The following STK3 variants were observed in gnomAD, a reference collection of about 807,000 sequenced individuals.
STK3 encodes the protein serine/threonine-protein kinase 3.
Under a neutral mutation model 58.0 loss-of-function variants are expected in STK3, and 41 were observed. The ratio of observed to expected loss-of-function variants is 0.71; its 90% CI spans 0.55 to 0.92. The LOEUF (loss-of-function observed/expected upper bound fraction) is 0.92, where lower values mean the gene tolerates loss of function less well. STK3 is among the 40% of genes least tolerant of loss of function. The pLI is 0.00. For missense variants in STK3, 479 were observed against 602.7 expected (o/e 0.79, Z 2.15); for synonymous variants, 170 against 191.0 (o/e 0.89, Z 0.91).
chr8:98,732,300 T>C (rs1348044617), intron 4 of STK3, among the ~76,000 whole-genome samples: 1 of 152,104 alleles, frequency 6.6e-6, no homozygotes, highest in Non-Finnish European at 1.5e-5. Flanking sequence ...ACTAATAAAA[T>C]GGACTCACAT....
chr8:98,500,147 T>G (rs1823456399), intron 10 of STK3, among the ~76,000 whole-genome samples: 1 of 146,408 alleles, frequency 6.8e-6, no homozygotes, highest in African/African-American at 2.6e-5. Flanking sequence ...CAGAGAGGTT[T>G]TACACAAAAG....
intron 1 of STK3, among the ~76,000 whole-genome samples, chr8:98,444,298 C>T (rs1435819485): frequency 6.6e-6 from 1 of 152,182 alleles, no homozygotes; most frequent in Non-Finnish European, 1.5e-5. Flanking sequence ...ATGTAGGTCA[C>T]TTAAAGGAAT....
intron 1 of STK3, chr8:98,921,279 T>A: frequency 6.6e-6 from 1 of 150,638 alleles, no homozygotes; most frequent in South Asian, 2.1e-4. Context: ...AAAAAAAACA[T>A]AAAACTCTAC....
intron 6 of STK3, among the ~76,000 whole-genome samples, chr8:98,600,621 A>G (rs1456868746): frequency 6.6e-6 from 1 of 152,220 alleles, no homozygotes; most frequent in Non-Finnish European, 1.5e-5. Context: ...ATTTTATTTT[A>G]AGATAAAGGC....
intron 3 of STK3, among the ~76,000 whole-genome samples, chr8:98,419,961 T>C (rs567944355): frequency 5.1e-4 from 78 of 152,204 alleles, no homozygotes; most frequent in African/African-American, 1.9e-3. Context: ...GAGATCTAGA[T>C]GGAAGGATAC....
At position 98,596,167 on chromosome 8, in the gene STK3, A is replaced by G. The variant is rs2129979686; in HGVS notation, c.687T>C (p.Ala229=). The G allele has an allele frequency of 3.1e-6, 5 of 1,611,236 alleles. No homozygotes were observed. Among genetic ancestry groups the G allele is most frequent in the Non-Finnish European group, 4.2e-6 (5 of 1,178,564 alleles). The change falls in exon 7 of 11, where the codon GCT becomes GCC. Residue 229 remains alanine (A), a splice_region_variant and synonymous_variant. Transcript: ENST00000419617. The part of the protein sequence containing the change: ...PPYADIHPMR[A]IFMIPTNPPP... ...GTGGATTTGTGGGAATCATAAAAAT[A>G]GCCTAGTACAAATGAAATATCCAAA...
chr8:98,382,374 G>A (rs190766139), intron 1 of STK3, among the ~76,000 whole-genome samples: 8 of 152,238 alleles, frequency 5.3e-5, no homozygotes. Flanking sequence ...CTAAATTATC[G>A]CAGTGTACAT....
intron 4 of STK3, among the ~76,000 whole-genome samples, chr8:98,747,547 C>A (rs552577829): frequency 2.0e-5 from 3 of 152,280 alleles, no homozygotes; most frequent in African/African-American, 7.2e-5. Flanking sequence ...CAAAGGCCTA[C>A]AACATCCAGA....
At chr8:98,648,186 T>C (rs1385078577) in intron 6 of STK3, among the ~76,000 whole-genome samples, 1 of 152,210 alleles carries the variant, frequency 6.6e-6, no homozygotes, top group Non-Finnish European at 1.5e-5. Flanking sequence ...TAAAATTCTA[T>C]TTTGTTTCTT....
chr8:98,652,503 G>A (rs1419053262), intron 6 of STK3, among the ~76,000 whole-genome samples: 20 of 150,346 alleles, frequency 1.3e-4, no homozygotes, highest in African/African-American at 4.6e-4. Flanking sequence ...AATGTAAATG[G>A]ACTAAATGCT....
intron 4 of STK3, among the ~76,000 whole-genome samples, chr8:98,725,559 C>A (rs892885228): frequency 6.6e-6 from 1 of 152,110 alleles, no homozygotes; most frequent in African/African-American, 2.4e-5. Flanking sequence ...ATCCAAGGAA[C>A]TAACTTTCCA....
intron 3 of STK3, among the ~76,000 whole-genome samples, chr8:98,865,577 A>G (rs1587770997): frequency 6.6e-6 from 1 of 152,288 alleles, no homozygotes; most frequent in East Asian, 1.9e-4. Flanking sequence ...TGTGTTGCCC[A>G]GGCTGGTCTT....
chr8:98,489,342 A>T (rs1822520418), intron 10 of STK3, among the ~76,000 whole-genome samples: 9 of 152,132 alleles, frequency 5.9e-5, no homozygotes, highest in Admixed American at 5.9e-4. Flanking sequence ...CAATGTCAGG[A>T]GTTAATTTTA....
At chr8:98,650,641 C>T (rs1201071538) in intron 6 of STK3, among the ~76,000 whole-genome samples, 1 of 152,252 alleles carries the variant, frequency 6.6e-6, no homozygotes. Context: ...CACCCTAATA[C>T]TGTGCTTTTC....
chr8:98,790,088 C>T (rs1159763590), intron 1 of STK3, among the ~76,000 whole-genome samples: 1 of 147,082 alleles, frequency 6.8e-6, no homozygotes, highest in Non-Finnish European at 1.5e-5. Context: ...CAGAAGTCTA[C>T]CAGACATTCA....
chr8:98,835,151 G>A (rs1290169476), intron 3 of STK3, among the ~76,000 whole-genome samples: 1 of 152,158 alleles, frequency 6.6e-6, no homozygotes. Flanking sequence ...GGGCCTAAGA[G>A]AGTCATTTTG....
intron 6 of STK3, among the ~76,000 whole-genome samples, chr8:98,620,466 T>TAAAA (rs567110846): frequency 9.5e-6 from 1 of 105,204 alleles, no homozygotes; most frequent in Non-Finnish European, 2.0e-5. Flanking sequence ...TAAAGTATAA[T>TAAAA]AAAAAAAATA....
intron 1 of STK3, among the ~76,000 whole-genome samples, chr8:98,917,627 T>C (rs749007941): frequency 2.0e-5 from 3 of 152,172 alleles, no homozygotes; most frequent in Admixed American, 6.5e-5. Flanking sequence ...AGACACCGGA[T>C]CTGGCAGCTC....
At chr8:98,746,065 T>C (rs908511255) in intron 4 of STK3, among the ~76,000 whole-genome samples, 1 of 152,172 alleles carries the variant, frequency 6.6e-6, no homozygotes, top group Non-Finnish European at 1.5e-5. Flanking sequence ...GGGACCACAA[T>C]TCTACATGCA....
Sources: gnomAD v4.1 joint callset for allele counts (sites outside exome capture counted in the v4.1 genomes callset) on GRCh38, gnomAD v4.1.1 for gene constraint, MANE v1.5 for transcripts, NCBI Gene and HGNC (gene_info 2026-07-23, HGNC 2026-07-21) for gene names.